MAD1L1: variants seen among roughly 807,000 people sequenced by gnomAD.
MAD1L1 encodes the protein mitotic spindle assembly checkpoint protein MAD1.
In MAD1L1, 95 loss-of-function variants were observed where a neutral mutation model predicts 96.9. That is an observed-to-expected ratio of 0.98 (90% CI 0.83 to 1.16). MAD1L1 has a LOEUF of 1.16. Among genes scored for constraint, MAD1L1 ranks in the 50% most tolerant of loss-of-function variants. MAD1L1 has a pLI of 0.00. For synonymous variants in MAD1L1, 473 were observed against 396.6 expected (o/e 1.19, Z -2.29); for missense variants, 1,007 against 954.4 (o/e 1.06, Z -0.73).
At chr7:2,062,467 C>A (rs566296279) in intron 12 of MAD1L1, among the ~76,000 whole-genome samples, 2 of 151,586 alleles carry the variant, frequency 1.3e-5, no homozygotes, top group East Asian at 1.9e-4. Flanking sequence ...CCCAGCTACT[C>A]GAGAGGCTGA....
intron 10 of MAD1L1, among the ~76,000 whole-genome samples, chr7:2,190,234 G>A (rs374844426): frequency 3.3e-4 from 50 of 152,272 alleles, no homozygotes; most frequent in African/African-American, 1.1e-3. Flanking sequence ...AGAAGACCTC[G>A]AGCAAAGGCC....
chr7:2,204,399 A>C (rs772625033), intron 10 of MAD1L1, among the ~76,000 whole-genome samples: 2 of 152,182 alleles, frequency 1.3e-5, no homozygotes, highest in African/African-American at 2.4e-5. Flanking sequence ...TGCTGCGTGT[A>C]CACCTGTGCG....
chr7:2,176,018 C>T (rs900689736), intron 10 of MAD1L1, among the ~76,000 whole-genome samples: 1 of 152,170 alleles, frequency 6.6e-6, no homozygotes, highest in Non-Finnish European at 1.5e-5. Flanking sequence ...ATCAGCCATC[C>T]TGTCTGCATT....
chr7:2,162,411 C>G (rs1213997762), intron 10 of MAD1L1, among the ~76,000 whole-genome samples: 1 of 152,108 alleles, frequency 6.6e-6, no homozygotes, highest in South Asian at 2.1e-4. Flanking sequence ...AGAGTCATCA[C>G]CACTCCCTAA....
intron 17 of MAD1L1, among the ~76,000 whole-genome samples, chr7:1,922,012 C>T (rs1788821366): frequency 6.6e-6 from 1 of 152,206 alleles, no homozygotes; most frequent in Non-Finnish European, 1.5e-5. Context: ...AACCTGAAGA[C>T]GAGGGGTTCA....
At chr7:1,929,411 G>T (rs1789296852) in intron 17 of MAD1L1, among the ~76,000 whole-genome samples, 1 of 152,170 alleles carries the variant, frequency 6.6e-6, no homozygotes, top group African/African-American at 2.4e-5. Flanking sequence ...GTGGCAGGGG[G>T]GCTGAGTGAG....
intron 11 of MAD1L1, among the ~76,000 whole-genome samples, chr7:2,091,775 CAA>C (rs35981269): frequency 7.2e-5 from 9 of 125,356 alleles, no homozygotes; most frequent in African/African-American, 6.1e-5. Context: ...GACTCCATCT[CAA>C]AAAAAAAAAA....
chr7:2,185,777 C>A (rs1347385899), intron 10 of MAD1L1, among the ~76,000 whole-genome samples: 1 of 152,132 alleles, frequency 6.6e-6, no homozygotes, highest in Non-Finnish European at 1.5e-5. Flanking sequence ...AGAAAAAAAT[C>A]GAAATAACAG....
At chr7:1,889,578 C>G (rs1301269413) in intron 18 of MAD1L1, among the ~76,000 whole-genome samples, 1 of 143,872 alleles carries the variant, frequency 7.0e-6, no homozygotes, top group Non-Finnish European at 1.6e-5. Flanking sequence ...CCTGCACCAT[C>G]TCCTATGTTC....
chr7:2,019,508 G>A (rs988266339), intron 12 of MAD1L1, among the ~76,000 whole-genome samples: 15 of 152,248 alleles, frequency 9.9e-5, no homozygotes, highest in African/African-American at 1.9e-4. Flanking sequence ...TGTGCAAAAC[G>A]GGGGCACGAA....
intron 1 of MAD1L1, among the ~76,000 whole-genome samples, chr7:2,232,484 G>A (rs1186900846): frequency 6.6e-6 from 1 of 152,214 alleles, no homozygotes; most frequent in Non-Finnish European, 1.5e-5. Context: ...CGCCAGCTCA[G>A]GCCCCTTCCT....
chr7:2,120,997 A>G (rs1421938122), intron 11 of MAD1L1, among the ~76,000 whole-genome samples: 2 of 152,172 alleles, frequency 1.3e-5, no homozygotes, highest in South Asian at 2.1e-4. Flanking sequence ...CCATCACAGC[A>G]CAGGTGGACT....
At position 1,856,711 on chromosome 7, in the gene MAD1L1, C is replaced by G. The variant is rs552798819; in HGVS notation, c.1999-40483G>C. On this transcript the variant is annotated intron_variant, in intron 18 of 18. Transcript: ENST00000265854. Reference sequence around the variant, plus strand: ...AAGATGGCATAGCCCCGCCGCGCTCCAGACCAGTCCCTGCTTCCTGCCAGC... The same window carrying G: ...AAGATGGCATAGCCCCGCCGCGCTCGAGACCAGTCCCTGCTTCCTGCCAGC... Among the ~76,000 whole-genome samples the G allele has an allele frequency of 2.6e-4, 39 of 152,344 alleles. 1 individual carries two copies. Among genetic ancestry groups the G allele is most frequent in the South Asian group, 1.2e-3 (6 of 4,830 alleles).
At chr7:1,878,741 C>A (rs146258902) in intron 18 of MAD1L1, among the ~76,000 whole-genome samples, 4 of 142,778 alleles carry the variant, frequency 2.8e-5, no homozygotes, top group East Asian at 4.4e-4. Context: ...TCCCCCCCCC[C>A]CCATTCTTAT....
chr7:1,844,071 C>T (rs1562447926), intron 18 of MAD1L1: 1 of 154,530 alleles, frequency 6.5e-6, no homozygotes, highest in African/African-American at 2.4e-5. Context: ...TTCACTACCA[C>T]CAGAAGGCAA....
intron 10 of MAD1L1, among the ~76,000 whole-genome samples, chr7:2,158,744 T>C (rs1789960789): frequency 6.6e-6 from 1 of 152,060 alleles, no homozygotes; most frequent in South Asian, 2.1e-4. Flanking sequence ...TTGGGAGAGA[T>C]GCATGGCCCC....
intron 12 of MAD1L1, among the ~76,000 whole-genome samples, chr7:2,059,720 G>T (rs1293365929): frequency 6.6e-6 from 1 of 151,930 alleles, no homozygotes; most frequent in East Asian, 1.9e-4. Flanking sequence ...AGAGGCATGG[G>T]GTTGGTGGGG....
intron 15 of MAD1L1, among the ~76,000 whole-genome samples, chr7:1,976,427 G>C (rs963969340): frequency 1.3e-5 from 2 of 152,184 alleles, no homozygotes; most frequent in Non-Finnish European, 2.9e-5. Context: ...TCTTAAGGCA[G>C]CACGTCTGGA....
intron 16 of MAD1L1, among the ~76,000 whole-genome samples, chr7:1,940,859 T>A (rs1422026067): frequency 2.2e-5 from 3 of 134,210 alleles, no homozygotes; most frequent in Non-Finnish European, 4.9e-5. Flanking sequence ...TGTAGTCAGC[T>A]GACCCCTGGC....
Sources: allele counts gnomAD v4.1 joint callset (sites outside exome capture counted in the v4.1 genomes callset), GRCh38; gene constraint gnomAD v4.1.1; transcripts MANE v1.5; gene names NCBI Gene and HGNC (gene_info 2026-07-23, HGNC 2026-07-21).